Variants in TENT5D observed in about 807,000 individuals in gnomAD.
TENT5D encodes terminal nucleotidyltransferase 5D.
For synonymous variants in TENT5D, 103 were observed against 100.6 expected (o/e 1.02, Z -0.15); for missense variants, 191 against 287.0 (o/e 0.67, Z 2.42).
At chrX:80,356,836 G>T (rs774447223) in intron 3 of TENT5D, among the ~76,000 whole-genome samples, 1 of 111,138 alleles carries the variant, frequency 9.0e-6, no homozygotes, top group African/African-American at 3.3e-5. Flanking sequence ...ATGTATACAT[G>T]TGCCATGTTG....
At chrX:80,382,754 T>C (rs1930898777) in intron 3 of TENT5D, among the ~76,000 whole-genome samples, 1 of 110,204 alleles carries the variant, frequency 9.1e-6, no homozygotes, top group East Asian at 3.0e-4. Context: ...CTGGGACTGC[T>C]GCACTAGCAG....
upstream of TENT5D, among the ~76,000 whole-genome samples, chrX:80,415,724 A>G (rs1931758502): frequency 9.0e-6 from 1 of 111,553 alleles, no homozygotes; most frequent in Non-Finnish European, 1.9e-5. Flanking sequence ...TTTTGCATCC[A>G]TGTTTATTAA....
chrX:80,426,359 C>T (rs1022212428), intron 1 of TENT5D, among the ~76,000 whole-genome samples: 13 of 111,441 alleles, frequency 1.2e-4, no homozygotes, highest in Admixed American at 7.6e-4. Flanking sequence ...CACAAAAATC[C>T]TGTTCAAGAG....
chrX:80,418,623 C>T (rs1931824959), upstream of TENT5D, among the ~76,000 whole-genome samples: 1 of 111,605 alleles, frequency 9.0e-6, no homozygotes, highest in Admixed American at 9.6e-5. Flanking sequence ...TTCTTTCTCA[C>T]TGATACTTGT....
chrX:80,385,104 G>A (rs1377719601), intron 3 of TENT5D, among the ~76,000 whole-genome samples: 6 of 111,177 alleles, frequency 5.4e-5, no homozygotes, highest in African/African-American at 1.3e-4. Context: ...AAAAGAGCCC[G>A]CATTGCCAAG....
At chrX:80,440,463 T>C (rs1932262513) in intron 2 of TENT5D, among the ~76,000 whole-genome samples, 1 of 109,761 alleles carries the variant, frequency 9.1e-6, no homozygotes, top group Non-Finnish European at 1.9e-5. Flanking sequence ...ATTTTGGCAA[T>C]TTTTTTTTAG....
chrX:80,443,479 A>G, exon 3 of TENT5D: 2 of 1,211,142 alleles, frequency 1.7e-6, no homozygotes, highest in Non-Finnish European at 2.2e-6. Context: ...TGTTTGCCTC[A>G]TGAGTTATGA....
chrX:80,357,636 G>A lies in TENT5D; in HGVS notation c.-142+15072G>A, dbSNP rs1930312789. Among the ~76,000 whole-genome samples, 3 of 110,976 alleles carry A rather than the reference G, an allele frequency of 2.7e-5. No homozygotes were observed. In the Admixed American group the frequency reaches 2.9e-4, roughly 11 times the overall value. On this transcript the variant is annotated intron_variant, in intron 3 of 4. Transcript: ENST00000538312. ...GTTTTTTTCTTGTAAATTTGTTTGAGTTCATTGTAGATCCTGGATATTAGC... is the reference window on the plus strand; with the variant it reads ...GTTTTTTTCTTGTAAATTTGTTTGAATTCATTGTAGATCCTGGATATTAGC...
chrX:80,440,988 G>A (rs903006681), intron 2 of TENT5D, among the ~76,000 whole-genome samples: 1 of 110,918 alleles, frequency 9.0e-6, no homozygotes, highest in African/African-American at 3.3e-5. Context: ...ATCACTTCAT[G>A]TAGCATCTTG....
intron 3 of TENT5D, among the ~76,000 whole-genome samples, chrX:80,360,719 T>C (rs937893944): frequency 2.7e-5 from 3 of 111,912 alleles, no homozygotes; most frequent in Non-Finnish European, 5.6e-5. Context: ...TCAGATTCTC[T>C]GGATATTTGG....
At chrX:80,355,053 G>A (rs1930257489) in intron 3 of TENT5D, among the ~76,000 whole-genome samples, 1 of 111,478 alleles carries the variant, frequency 9.0e-6, no homozygotes, top group Non-Finnish European at 1.9e-5. Context: ...TTTGTTCTCT[G>A]GCCCCTTGAA....
intron 1 of TENT5D, among the ~76,000 whole-genome samples, chrX:80,428,893 A>G (rs1007654314): frequency 2.1e-4 from 23 of 112,048 alleles, no homozygotes; most frequent in African/African-American, 7.1e-4. Flanking sequence ...AAGAGCTTTT[A>G]GTGCCTTCTA....
chrX:80,336,893 C>T (rs1229555807), intron 2 of TENT5D, among the ~76,000 whole-genome samples: 1 of 111,645 alleles, frequency 9.0e-6, no homozygotes, highest in African/African-American at 3.3e-5. Flanking sequence ...TGTTGATGTC[C>T]GCCTTAAGTA....
At chrX:80,381,746 G>T (rs1318459268) in intron 3 of TENT5D, among the ~76,000 whole-genome samples, 3 of 111,598 alleles carry the variant, frequency 2.7e-5, no homozygotes, top group African/African-American at 9.8e-5. Context: ...CCACTTGATT[G>T]AATCAGCTAC....
At chrX:80,396,153 T>C (rs112047017) in intron 3 of TENT5D, among the ~76,000 whole-genome samples, 1,158 of 111,289 alleles carry the variant, frequency 0.01, 24 homozygotes, top group African/African-American at 0.036. Flanking sequence ...ACTGGGAACA[T>C]GGGGGTGCAG....
In TENT5D at chrX:80,336,673, T is replaced by G. The variant is rs1294605060; in HGVS notation, c.-207+957T>G. Among the ~76,000 whole-genome samples the G allele has an allele frequency of 4.5e-5, 5 of 111,116 alleles. 1 individual carries two copies. In the Admixed American group the frequency reaches 4.8e-4, roughly 11 times the overall value. On this transcript the variant is annotated intron_variant, in intron 2 of 4. Coordinates refer to the TENT5D transcript ENST00000538312. The stretch of plus-strand genomic sequence containing the variant: ...CACAGCTATTTCAAAAAAATCCATA[T>G]ATAGACCAGAACAATCCACTAAAGC...
intron 3 of TENT5D, among the ~76,000 whole-genome samples, chrX:80,392,605 T>C (rs991817438): frequency 1.1e-4 from 10 of 92,785 alleles, no homozygotes; most frequent in African/African-American, 2.8e-4. Context: ...CAAGCTCCGC[T>C]TCCCGGGTTC....
intron 3 of TENT5D, among the ~76,000 whole-genome samples, chrX:80,394,954 A>G (rs1931213459): frequency 1.8e-5 from 2 of 111,541 alleles, no homozygotes; most frequent in South Asian, 7.5e-4. Context: ...GCAATAGGAT[A>G]CCAGAACTTA....
chrX:80,358,398 A>C (rs1192488588), intron 3 of TENT5D, among the ~76,000 whole-genome samples: 1 of 111,889 alleles, frequency 8.9e-6, no homozygotes, highest in Non-Finnish European at 1.9e-5. Context: ...ATGGGAGAAA[A>C]TTTTTGGAAA....
Sources: gnomAD v4.1 joint callset for allele counts (sites outside exome capture counted in the v4.1 genomes callset) on GRCh38, gnomAD v4.1.1 for gene constraint, MANE v1.5 for transcripts, NCBI Gene and HGNC (gene_info 2026-07-23, HGNC 2026-07-21) for gene names.